MACROD2: variants seen among roughly 807,000 people sequenced by gnomAD.
The protein encoded by MACROD2 is mono-ADP ribosylhydrolase 2.
Under a neutral mutation model 70.4 loss-of-function variants are expected in MACROD2, and 36 were observed. The ratio of observed to expected loss-of-function variants is 0.51; its 90% confidence interval spans 0.39 to 0.68. MACROD2 has a LOEUF of 0.68. Ranked by LOEUF, MACROD2 falls within the 30% of genes least tolerant of loss-of-function variation. The probability of loss-of-function intolerance (pLI) is 0.00; values close to 1 mark genes in which losing one functional copy is unlikely to be tolerated. For synonymous variants in MACROD2, 172 were observed against 178.8 expected, an observed-to-expected ratio of 0.96 and a Z score of 0.30; for missense variants, 496 against 538.4, an observed-to-expected ratio of 0.92 and a Z score of 0.78.
chr20:16,022,486 C>A (rs979411532), intron 15 of MACROD2, among the ~76,000 whole-genome samples: 2 of 152,154 alleles, frequency 1.3e-5, no homozygotes, highest in African/African-American at 2.4e-5. Context: ...AATCAGTAAG[C>A]CAATGACTCT....
chr20:14,568,709 ATAACATTGG>A (rs963668127), intron 4 of MACROD2, among the ~76,000 whole-genome samples: 2 of 152,092 alleles, frequency 1.3e-5, no homozygotes, highest in African/African-American at 2.4e-5. Context: ...TAATCTTTAA[ATAACATTGG>A]TTTAGTTCTT....
chr20:15,344,707 G>T (rs2078145841), intron 6 of MACROD2, among the ~76,000 whole-genome samples: 1 of 152,046 alleles, frequency 6.6e-6, no homozygotes. Flanking sequence ...AGCCACCATG[G>T]CCCTGCCTTT....
At chr20:16,020,787 C>A (rs1447609470) in intron 15 of MACROD2, among the ~76,000 whole-genome samples, 1 of 151,888 alleles carries the variant, frequency 6.6e-6, no homozygotes, top group African/African-American at 2.4e-5. Context: ...GAAATCCATC[C>A]CCATGGACAG....
At chr20:15,838,797 T>C (rs1600976020) in intron 8 of MACROD2, among the ~76,000 whole-genome samples, 1 of 152,138 alleles carries the variant, frequency 6.6e-6, no homozygotes, top group Non-Finnish European at 1.5e-5. Flanking sequence ...AATAAATACA[T>C]CAATAAAATG....
chr20:15,255,194 G>A (rs1375518624), intron 6 of MACROD2, among the ~76,000 whole-genome samples: 4 of 151,768 alleles, frequency 2.6e-5, no homozygotes, highest in South Asian at 2.1e-4. Context: ...ATTTATCATC[G>A]TGAACTTCAT....
chr20:14,798,405 G>GTA (rs2072535989), intron 5 of MACROD2, among the ~76,000 whole-genome samples: 1 of 151,998 alleles, frequency 6.6e-6, no homozygotes, highest in Non-Finnish European at 1.5e-5. Flanking sequence ...GGTCTGGTTT[G>GTA]GGAAGATCAT....
intron 5 of MACROD2, among the ~76,000 whole-genome samples, chr20:14,698,081 G>A (rs964488624): frequency 6.6e-6 from 1 of 152,104 alleles, no homozygotes; most frequent in Non-Finnish European, 1.5e-5. Flanking sequence ...CACCCTCATG[G>A]AACTGTGCTG....
chr20:15,927,009 A>T (rs1485131402), intron 10 of MACROD2, among the ~76,000 whole-genome samples: 1 of 152,170 alleles, frequency 6.6e-6, no homozygotes, highest in Non-Finnish European at 1.5e-5. Context: ...GGGATGGAGG[A>T]TGGCCCCAGC....
At chr20:14,434,138 C>T (rs1023652908) in intron 3 of MACROD2, among the ~76,000 whole-genome samples, 1 of 152,078 alleles carries the variant, frequency 6.6e-6, no homozygotes, top group African/African-American at 2.4e-5. Context: ...TTGTGATTGA[C>T]TTAGCTGAAA....
At chr20:14,575,618 A>G (rs904676036) in intron 4 of MACROD2, among the ~76,000 whole-genome samples, 15 of 152,334 alleles carry the variant, frequency 9.8e-5, no homozygotes, top group African/African-American at 3.4e-4. Context: ...TTTAGTGAGT[A>G]TTCATTCAAA....
At chr20:14,775,409 A>G (rs906867162) in intron 5 of MACROD2, among the ~76,000 whole-genome samples, 3 of 152,084 alleles carry the variant, frequency 2.0e-5, no homozygotes, top group Non-Finnish European at 2.9e-5. Flanking sequence ...GTAGAAGCTT[A>G]CAATCATGGC....
intron 15 of MACROD2, among the ~76,000 whole-genome samples, chr20:16,030,016 C>T (rs1039638330): frequency 1.3e-5 from 2 of 152,180 alleles, no homozygotes; most frequent in Non-Finnish European, 2.9e-5. Context: ...TCTGACAAGG[C>T]TGCAGAGGGT....
At chr20:15,790,947 T>C (rs867853363) in intron 8 of MACROD2, among the ~76,000 whole-genome samples, 1 of 152,006 alleles carries the variant, frequency 6.6e-6, no homozygotes, top group Non-Finnish European at 1.5e-5. Flanking sequence ...ATGTTATCAT[T>C]AATTTCATTT....
chr20:14,634,132 C>A (rs1429501981), intron 4 of MACROD2, among the ~76,000 whole-genome samples: 1 of 152,186 alleles, frequency 6.6e-6, no homozygotes, highest in Non-Finnish European at 1.5e-5. Context: ...CATGCCTTTT[C>A]CCACCTTGCC....
At chr20:15,194,463 A>T (rs2076592496) in intron 5 of MACROD2, among the ~76,000 whole-genome samples, 1 of 151,996 alleles carries the variant, frequency 6.6e-6, no homozygotes, top group South Asian at 2.1e-4. Context: ...AAACTTCTAG[A>T]CTTACAGAAG....
intron 3 of MACROD2, among the ~76,000 whole-genome samples, chr20:14,394,223 A>G (rs1477874073): frequency 1.3e-5 from 2 of 152,212 alleles, no homozygotes; most frequent in Non-Finnish European, 2.9e-5. Flanking sequence ...TCTTTGAGTT[A>G]TCAAGCCTTT....
At chr20:15,520,631 G>C (rs531463797) in intron 8 of MACROD2, among the ~76,000 whole-genome samples, 1 of 152,330 alleles carries the variant, frequency 6.6e-6, no homozygotes, top group East Asian at 1.9e-4. Flanking sequence ...AAAGCTGAGG[G>C]TAGAGTGAAC....
At chr20:15,906,098 G>C (rs1365126530) in intron 10 of MACROD2, among the ~76,000 whole-genome samples, 1 of 152,238 alleles carries the variant, frequency 6.6e-6, no homozygotes, top group Non-Finnish European at 1.5e-5. Context: ...GAGGAAAGGG[G>C]CAGAGGGAAG....
chr20:15,638,649 C>T (rs1207727299), intron 8 of MACROD2, among the ~76,000 whole-genome samples: 1 of 152,052 alleles, frequency 6.6e-6, no homozygotes, highest in East Asian at 1.9e-4. Flanking sequence ...TTTGACAAAT[C>T]CAGATTACAA....
Sources: gnomAD v4.1 joint callset for allele counts (sites outside exome capture counted in the v4.1 genomes callset) on GRCh38, gnomAD v4.1.1 for gene constraint, MANE v1.5 for transcripts, NCBI Gene and HGNC (gene_info 2026-07-23, HGNC 2026-07-21) for gene names.